The following C12orf75 variants were observed in gnomAD, a reference collection of about 807,000 sequenced individuals.
C12orf75 encodes chromosome 12 open reading frame 75, also known as overexpressed in colon carcinoma 1 protein.
In C12orf75, 4 loss-of-function variants were observed where a neutral mutation model predicts 11.4. That is an observed-to-expected ratio of 0.35 (90% CI 0.17 to 0.80). The LOEUF (loss-of-function observed/expected upper bound fraction) is 0.80, where lower values mean the gene tolerates loss of function less well. Among genes scored for constraint, C12orf75 ranks in the 30% least tolerant of loss-of-function variants. The probability of loss-of-function intolerance (pLI) is 0.52; values close to 1 mark genes in which losing one functional copy is unlikely to be tolerated. For synonymous variants in C12orf75, 30 were observed against 30.0 expected, an observed-to-expected ratio of 1.00 and a Z score of 0.00; for missense variants, 89 against 80.4, an observed-to-expected ratio of 1.11 and a Z score of -0.41.
At position 105,355,168 on chromosome 12, in the gene C12orf75, C is replaced by CTTTTTTTT. The variant is rs200950023; in HGVS notation, c.71+6547_71+6548insTTTTTTTT. On this transcript the variant is annotated intron_variant, in intron 2 of 5. Coordinates refer to ENST00000443585, the MANE Select transcript of C12orf75 (RefSeq NM_001145199.2). ...GGGTGGTTTTCACGAATTTCTTTTT[C>CTTTTTTTT]TTTTTCTTTTTCTTTTTTTTTTTCA... 6.2e-4 allele frequency among the ~76,000 whole-genome samples: 46 copies of CTTTTTTTT among 74,220 alleles called. 3 individuals carry two copies. Among genetic ancestry groups the CTTTTTTTT allele is most frequent in the African/African-American group, 1.9e-3 (42 of 21,900 alleles). 48.7% of individuals were successfully genotyped at this position (74,220 alleles called of 152,430 possible). A position where few individuals can be genotyped will look rare whatever the true frequency, so the allele number is the denominator to read the frequency against.
chr12:105,345,269 G>A (rs1037805979), intron 1 of C12orf75, among the ~76,000 whole-genome samples: 3 of 152,072 alleles, frequency 2.0e-5, no homozygotes, highest in Non-Finnish European at 4.4e-5. Flanking sequence ...TGATTGGATT[G>A]CCTCTGCTCA....
At chr12:105,356,358 T>C (rs559164744) in intron 2 of C12orf75, among the ~76,000 whole-genome samples, 104 of 151,188 alleles carry the variant, frequency 6.9e-4, no homozygotes, top group African/African-American at 2.2e-3. Context: ...GTTTCCATAT[T>C]CAATTTTTAC....
intron 4 of C12orf75, 151 bp from the exon 5 acceptor site, chr12:105,367,321 A>G (rs1871503260): frequency 2.9e-6 from 1 of 348,204 alleles, no homozygotes; most frequent in South Asian, 6.0e-5. Flanking sequence ...ATTATTTTGA[A>G]CATACTATAT....
At chr12:105,362,316 C>T (rs1458836151) in intron 2 of C12orf75, among the ~76,000 whole-genome samples, 38 of 127,832 alleles carry the variant, frequency 3.0e-4, no homozygotes, top group Admixed American at 2.9e-3. Flanking sequence ...ACCCGGGAGG[C>T]GGAGCTTGCA....
chr12:105,336,908 C>T (rs1344774124), intron 1 of C12orf75, among the ~76,000 whole-genome samples: 3 of 152,134 alleles, frequency 2.0e-5, no homozygotes, highest in African/African-American at 4.8e-5. Context: ...TGAGACAGAA[C>T]CAAGAAGCTC....
chr12:105,343,873 GAC>G (rs1892604063), intron 1 of C12orf75, among the ~76,000 whole-genome samples: 2 of 151,960 alleles, frequency 1.3e-5, no homozygotes, highest in African/African-American at 4.8e-5. Context: ...CACACACACA[GAC>G]ACACACACAC....
At chr12:105,340,776 T>C (rs915938837) in intron 1 of C12orf75, among the ~76,000 whole-genome samples, 7 of 151,608 alleles carry the variant, frequency 4.6e-5, no homozygotes, top group African/African-American at 1.5e-4. Flanking sequence ...ATTATCTGAG[T>C]AGGCTCTAAA....
chr12:105,352,913 T>C (rs1238236919), intron 2 of C12orf75, among the ~76,000 whole-genome samples: 1 of 152,206 alleles, frequency 6.6e-6, no homozygotes, highest in Non-Finnish European at 1.5e-5. Flanking sequence ...TTCTGTCTCT[T>C]TGAAATTAAA....
At chr12:105,362,057 T>C (rs183537731) in intron 2 of C12orf75, among the ~76,000 whole-genome samples, 3 of 152,312 alleles carry the variant, frequency 2.0e-5, no homozygotes, top group Non-Finnish European at 4.4e-5. Context: ...TTCTACAATC[T>C]TGTTTCTGAC....
chr12:105,336,610 G>C lies in C12orf75; in HGVS notation c.46+5673G>C, dbSNP rs1892502413. ...ACAGCTGCTGTCTGCGCTCAGAGAA[G>C]TGCTGAGGGCCTGGATCATGGCTGT... On this transcript the variant is annotated intron_variant, in intron 1 of 5. Transcript: ENST00000443585. 2.0e-5 allele frequency among the ~76,000 whole-genome samples: 3 copies of C among 152,228 alleles called. No individual in the cohort carries two copies. The South Asian group carries it at 6.2e-4, about 31-fold the overall frequency.
At chr12:105,337,219 G>C (rs1892509000) in intron 1 of C12orf75, among the ~76,000 whole-genome samples, 1 of 152,090 alleles carries the variant, frequency 6.6e-6, no homozygotes, top group Non-Finnish European at 1.5e-5. Flanking sequence ...AGCTGCTTGG[G>C]AGGCTGAAGT....
At chr12:105,354,964 G>A (rs985552562) in intron 2 of C12orf75, among the ~76,000 whole-genome samples, 2 of 152,034 alleles carry the variant, frequency 1.3e-5, no homozygotes, top group Non-Finnish European at 2.9e-5. Context: ...GGAATGATGG[G>A]ACTATCGAAA....
intron 4 of C12orf75, 28 bp downstream of exon 4, chr12:105,366,724 TC>T: frequency 8.4e-7 from 1 of 1,194,364 alleles, no homozygotes; most frequent in Non-Finnish European, 1.2e-6. Flanking sequence ...CTGTTGATTT[TC>T]CCTAATTATT....
At chr12:105,368,356 G>GA (rs2136153183) in intron 5 of C12orf75, among the ~76,000 whole-genome samples, 1 of 152,310 alleles carries the variant, frequency 6.6e-6, no homozygotes, top group East Asian at 1.9e-4. Flanking sequence ...TATCTCCTGA[G>GA]ATAGCCTGTT....
intron 2 of C12orf75, among the ~76,000 whole-genome samples, chr12:105,359,276 C>T (rs1892826832): frequency 6.6e-6 from 1 of 152,160 alleles, no homozygotes; most frequent in African/African-American, 2.4e-5. Flanking sequence ...TCCCTTATCT[C>T]CTCTAACTCT....
At chr12:105,341,895 A>G (rs1438201566) in intron 1 of C12orf75, among the ~76,000 whole-genome samples, 2 of 152,134 alleles carry the variant, frequency 1.3e-5, no homozygotes, top group Non-Finnish European at 2.9e-5. Flanking sequence ...ATGAGATCTG[A>G]TGGTTTTATA....
At chr12:105,347,028 A>G (rs1892649688) in intron 1 of C12orf75, among the ~76,000 whole-genome samples, 1 of 152,244 alleles carries the variant, frequency 6.6e-6, no homozygotes, top group Admixed American at 6.5e-5. Context: ...TTTGAGAAAG[A>G]TACCTTTTAC....
chr12:105,348,647 A>T (rs1892671954), intron 2 of C12orf75, 21 bp downstream of exon 2: 10 of 1,512,380 alleles, frequency 6.6e-6, no homozygotes, highest in Non-Finnish European at 8.9e-6. Flanking sequence ...AATATTAATG[A>T]TTTTATAAGC....
At chr12:105,336,074 AGATTTGGATAGCAGAAAAT>A (rs1892496655) in intron 1 of C12orf75, among the ~76,000 whole-genome samples, 1 of 152,226 alleles carries the variant, frequency 6.6e-6, no homozygotes, top group Non-Finnish European at 1.5e-5. Flanking sequence ...AGAATAGGTA[AGATTTGGATAGCAGAAAAT>A]GGAAGGCAGG....
Sources: gnomAD v4.1 joint callset for allele counts (sites outside exome capture counted in the v4.1 genomes callset) on GRCh38, gnomAD v4.1.1 for gene constraint, MANE v1.5 for transcripts, NCBI Gene and HGNC (gene_info 2026-07-23, HGNC 2026-07-21) for gene names.